WWP2: variants seen among roughly 807,000 people sequenced by gnomAD.
WWP2 encodes WW domain containing E3 ubiquitin protein ligase 2, also known as NEDD4-like E3 ubiquitin-protein ligase WWP2.
In WWP2, 57 loss-of-function variants were observed where a neutral mutation model predicts 121.0. That is an observed-to-expected ratio of 0.47 (90% confidence interval 0.38 to 0.59). WWP2 has a LOEUF of 0.59. WWP2 is among the 20% of genes least tolerant of loss of function. The pLI is 0.00. For synonymous variants in WWP2, 449 were observed against 441.3 expected (o/e 1.02, Z -0.22); for missense variants, 962 against 1,158.9 (o/e 0.83, Z 2.47).
chr16:69,844,751 G>A (rs1172176914), intron 6 of WWP2, among the ~76,000 whole-genome samples: 1 of 152,200 alleles, frequency 6.6e-6, no homozygotes, highest in African/African-American at 2.4e-5. Flanking sequence ...TTCCGATAGT[G>A]TAAGCCTTAT....
At chr16:69,896,351 G>T (rs1173335073) in intron 8 of WWP2, among the ~76,000 whole-genome samples, 2 of 152,086 alleles carry the variant, frequency 1.3e-5, no homozygotes, top group South Asian at 4.1e-4. Context: ...ACTCTTGGAG[G>T]CTCAAGCGAT....
At chr16:69,881,218 AC>A (rs141810056) in intron 7 of WWP2, among the ~76,000 whole-genome samples, 2,690 of 152,224 alleles carry the variant, frequency 0.018, 74 homozygotes, top group African/African-American at 0.061. Context: ...CATTTGGGAA[AC>A]ATCAAAGCTG....
At chr16:69,828,314 T>C (rs2056738613) in intron 4 of WWP2, among the ~76,000 whole-genome samples, 2 of 152,178 alleles carry the variant, frequency 1.3e-5, no homozygotes, top group South Asian at 4.1e-4. Flanking sequence ...TCCTCCCATC[T>C]CTCTAGCTGT....
chr16:69,808,867 A>G (rs1332373825), intron 4 of WWP2, among the ~76,000 whole-genome samples: 2 of 152,270 alleles, frequency 1.3e-5, no homozygotes, highest in Non-Finnish European at 2.9e-5. Flanking sequence ...GGACACACAC[A>G]TACATTTCTA....
At chr16:69,911,287 C>G (rs2058375484) in intron 9 of WWP2, among the ~76,000 whole-genome samples, 1 of 152,114 alleles carries the variant, frequency 6.6e-6, no homozygotes, top group African/African-American at 2.4e-5. Flanking sequence ...GTGAATGCAT[C>G]CATTTGCTCA....
intron 4 of WWP2, among the ~76,000 whole-genome samples, chr16:69,816,770 CACACATACACATAT>C (rs2056500684): frequency 6.6e-6 from 1 of 152,028 alleles, no homozygotes; most frequent in Non-Finnish European, 1.5e-5. Flanking sequence ...TATACACATA[CACACATACACATAT>C]ACACACACAC....
At chr16:69,795,259 TACACACAC>T (rs10578834) in intron 2 of WWP2, among the ~76,000 whole-genome samples, 47 of 93,096 alleles carry the variant, frequency 5.0e-4, no homozygotes, top group Admixed American at 3.0e-3. Context: ...AAAATGCGGA[TACACACAC>T]ACACACACAC....
intron 6 of WWP2, among the ~76,000 whole-genome samples, chr16:69,868,289 A>C (rs560959179): frequency 6.6e-6 from 1 of 152,244 alleles, no homozygotes; most frequent in South Asian, 2.1e-4. Context: ...CCCATCATTC[A>C]GGGTAAGCCG....
rs376904259 is a variant in WWP2 at position 69,886,219 on chromosome 16, AC to A, written c.704-1819del. Among the ~76,000 whole-genome samples, 322 of 152,248 alleles carry A rather than the reference AC, an allele frequency of 2.1e-3. 3 individuals are homozygous for A. The highest frequency in any genetic ancestry group is 7.1e-3 in the African/African-American group (293 of 41,538). The stretch of plus-strand genomic sequence containing the variant: ...CTCAGTCTCCTGAGTAGCTGGGACC[AC>A]AGGTGGGCACCACCATGCCCAACTA... On this transcript the variant is annotated intron_variant, in intron 7 of 23. Coordinates refer to ENST00000359154, the MANE Select transcript of WWP2 (RefSeq NM_001270454.2).
intron 4 of WWP2, among the ~76,000 whole-genome samples, chr16:69,813,342 A>T (rs1432778996): frequency 6.6e-6 from 1 of 151,966 alleles, no homozygotes; most frequent in Non-Finnish European, 1.5e-5. Flanking sequence ...TTATATTTTT[A>T]GTGGAGATGG....
At chr16:69,873,708 G>A (rs2057685245) in intron 7 of WWP2, among the ~76,000 whole-genome samples, 1 of 152,174 alleles carries the variant, frequency 6.6e-6, no homozygotes, top group Non-Finnish European at 1.5e-5. Flanking sequence ...TTACAAATGG[G>A]GATGGGGGAC....
At position 69,939,396 on chromosome 16, in the gene WWP2, G is replaced by T. The variant is rs1210793239; in HGVS notation, c.2496G>T (p.Leu832=). The change falls in exon 23 of 24, where the codon CTG becomes CTT. Residue 832 remains leucine, a synonymous_variant. Transcript: ENST00000359154. The stretch of plus-strand genomic sequence containing the variant: ...ACAAAGTTGGCAAGGAAACCTGGCT[G>T]CCCAGAAGCCACACCTGGTGAGCCT... ...CIDKVGKETW[L]PRSHTCFNRL... 2.5e-6 allele frequency: 4 copies of T among 1,614,022 alleles called. No homozygotes were observed. The highest frequency in any genetic ancestry group is 2.2e-5 in the East Asian group (1 of 44,896).
At chr16:69,920,563 G>A (rs187898937) in intron 10 of WWP2, among the ~76,000 whole-genome samples, 133 of 152,050 alleles carry the variant, frequency 8.7e-4, no homozygotes, top group African/African-American at 2.9e-3. Flanking sequence ...TTAGAGACAA[G>A]GACGTATTTT....
intron 18 of WWP2, 22 bp from the exon 19 acceptor site, chr16:69,936,290 A>G (rs1434871724): frequency 6.2e-7 from 1 of 1,613,802 alleles, no homozygotes; most frequent in African/African-American, 1.3e-5. Flanking sequence ...ACATCTCCCC[A>G]CTTGGTCTCC....
intron 4 of WWP2, among the ~76,000 whole-genome samples, chr16:69,823,112 C>T (rs1043679618): frequency 3.3e-5 from 5 of 152,138 alleles, no homozygotes; most frequent in African/African-American, 1.2e-4. Flanking sequence ...GCCTGCGCAA[C>T]AGAGCGAGAC....
At position 69,925,085 on chromosome 16, in the gene WWP2, C is replaced by T. The variant is rs1037658433; in HGVS notation, c.1180-345C>T. ...CCGGAGCTGAGCGGAGGCACTGGGC[C>T]GAGCCTGCTTCCCGGGCCTTCCTAC... is the stretch of plus-strand genomic sequence containing the variant. On this transcript the variant is annotated intron_variant, in intron 10 of 23. Transcript: ENST00000359154. The surrounding 1 kb of genome is among the most constrained non-coding windows in gnomAD (Gnocchi z 4.0). The T allele has an allele frequency of 6.4e-5, 68 of 1,058,874 alleles. 1 individual carries two copies. In the East Asian group the frequency reaches 4.3e-3, roughly 67 times the overall value. The allele number at this position is 1,058,874 out of a possible 1,614,324, so 65.6% of individuals were successfully genotyped here.
chr16:69,841,019 C>G (rs1252696987), intron 5 of WWP2, among the ~76,000 whole-genome samples: 1 of 152,106 alleles, frequency 6.6e-6, no homozygotes, highest in Non-Finnish European at 1.5e-5. Flanking sequence ...CTGGACTGAT[C>G]GGTGTTTGGG....
intron 4 of WWP2, among the ~76,000 whole-genome samples, chr16:69,818,476 G>A (rs1302636450): frequency 6.6e-6 from 1 of 152,096 alleles, no homozygotes; most frequent in African/African-American, 2.4e-5. Context: ...CAAAGTTCTG[G>A]GATTACAGGT....
rs1031161945 is a variant in WWP2 at position 69,935,139 on chromosome 16, A to T, written c.1843-714A>T. Among the ~76,000 whole-genome samples, 1 of 152,178 alleles carries T rather than the reference A, an allele frequency of 6.6e-6. No homozygotes were observed. On this transcript the variant is annotated intron_variant, in intron 17 of 23. Transcript: ENST00000359154. The surrounding 1 kb of genome is among the most constrained non-coding windows in gnomAD (Gnocchi z 5.2). The stretch of plus-strand genomic sequence containing the variant: ...GTGGGAGGCACAGCGCGGGAGCCAC[A>T]TGCATAGCTGGAGATGTTTCAATTC...
Sources: gnomAD v4.1 joint callset for allele counts (sites outside exome capture counted in the v4.1 genomes callset) on GRCh38, gnomAD v4.1.1 for gene constraint, Gnocchi (gnomAD v3.1) non-coding constraint, MANE v1.5 for transcripts, NCBI Gene and HGNC (gene_info 2026-07-23, HGNC 2026-07-21) for gene names.